IL31RA: variants seen among roughly 807,000 people sequenced by gnomAD.
IL31RA encodes the protein interleukin 31 receptor A, also known as interleukin-31 receptor subunit alpha.
In IL31RA, 66 loss-of-function variants were observed where a neutral mutation model predicts 83.7. That is an observed-to-expected ratio of 0.79 (90% CI 0.65 to 0.97). The LOEUF is 0.97. Ranked by LOEUF, IL31RA falls within the 50% of genes least tolerant of loss-of-function variation. The pLI is 0.00. For missense variants in IL31RA, 798 were observed against 919.4 expected, an observed-to-expected ratio of 0.87 and a Z score of 1.71; for synonymous variants, 325 against 329.0, an observed-to-expected ratio of 0.99 and a Z score of 0.13.
At chr5:55,889,324 C>T (rs1365800078) in intron 5 of IL31RA, among the ~76,000 whole-genome samples, 1 of 152,158 alleles carries the variant, frequency 6.6e-6, no homozygotes, top group Non-Finnish European at 1.5e-5. Context: ...ATTTTATTTA[C>T]CTCTTTCCTC....
intron 10 of IL31RA, among the ~76,000 whole-genome samples, chr5:55,908,062 G>A (rs4865998): frequency 1.3e-5 from 2 of 152,064 alleles, no homozygotes; most frequent in Non-Finnish European, 2.9e-5. Context: ...AAGTGGTCTT[G>A]TTGCCACTTC....
intron 1 of IL31RA, among the ~76,000 whole-genome samples, chr5:55,854,167 A>G (rs556602249): frequency 2.0e-5 from 3 of 152,166 alleles, no homozygotes; most frequent in Non-Finnish European, 4.4e-5. Flanking sequence ...CACTGTTCCA[A>G]CATGATAGTG....
At chr5:55,852,974 A>C (rs1173751796) in intron 1 of IL31RA, among the ~76,000 whole-genome samples, 1 of 152,258 alleles carries the variant, frequency 6.6e-6, no homozygotes, top group African/African-American at 2.4e-5. Flanking sequence ...TAAGAGCTCC[A>C]CAAATTATTA....
At chr5:55,850,291 TTC>T (rs987747777), upstream of IL31RA, among the ~76,000 whole-genome samples, 3 of 152,174 alleles carry the variant, frequency 2.0e-5, no homozygotes, top group Admixed American at 6.5e-5. Flanking sequence ...ATTGTATCAC[TTC>T]TCTCATTATT....
chr5:55,910,368 G>A (rs1749427404), intron 11 of IL31RA, among the ~76,000 whole-genome samples, 164 bp from the exon 12 acceptor site: 1 of 152,122 alleles, frequency 6.6e-6, no homozygotes, highest in African/African-American at 2.4e-5. Context: ...TTATATTGAG[G>A]TCCTTAATCC....
At chr5:55,845,479 G>T in the IL31RA span, among the ~76,000 whole-genome samples, 4 of 138,506 alleles carry the variant, frequency 2.9e-5, no homozygotes, top group Non-Finnish European at 4.8e-5. Flanking sequence ...CCAAAATCTC[G>T]TCTTGAATTG....
chr5:55,896,371 G>A lies in IL31RA; in HGVS notation c.794G>A (p.Trp265Ter). The change falls in exon 7 of 15, where the codon TGG (tryptophan) becomes TAG (stop). Residue 265 changes from tryptophan to a stop codon, truncating the protein, a stop_gained. Coordinates refer to ENST00000652347, the MANE Select transcript of IL31RA (RefSeq NM_139017.7). LOFTEE classifies it high-confidence loss of function. Reference protein sequence around the residue: ...EEEAPCGLELWRVLKPAEADG... With the variant: ...EEEAPCGLEL The stretch of plus-strand genomic sequence containing the variant: ...ACAGCTCCATGTGGCCTGGAACTGT[G>A]GAGAGTCCTGAAACCAGCTGAGGCG... 1 of 1,613,432 alleles carries A rather than the reference G, an allele frequency of 6.2e-7. No individual in the cohort carries two copies. Among genetic ancestry groups the A allele is most frequent in the South Asian group, 1.1e-5 (1 of 91,070 alleles).
intron 8 of IL31RA, among the ~76,000 whole-genome samples, chr5:55,905,200 C>CA (rs34211603): frequency 0.043 from 3,143 of 72,332 alleles, 106 homozygotes; most frequent in African/African-American, 0.12. Flanking sequence ...GACTCTGCCT[C>CA]AAAAAAAAAA....
Position 55,922,457 on chromosome 5 carries a change from T to C in IL31RA, c.*5337T>C. Reference sequence around the variant, plus strand: ...AGTGTGGACTAAAATGCGAGAAAGGTGTCCTGTGGTCTATGCAAATTAGAA... The same window carrying C: ...AGTGTGGACTAAAATGCGAGAAAGGCGTCCTGTGGTCTATGCAAATTAGAA... On this transcript the variant is annotated 3_prime_UTR_variant, in exon 15 of 15. Coordinates refer to ENST00000652347, the MANE Select transcript of IL31RA (RefSeq NM_139017.7). The C allele has an allele frequency of 6.5e-7, 1 of 1,543,832 alleles. No homozygotes were observed. Among genetic ancestry groups the C allele is most frequent in the Non-Finnish European group, 8.8e-7 (1 of 1,140,522 alleles).
intron 8 of IL31RA, among the ~76,000 whole-genome samples, chr5:55,904,008 A>C (rs1748979773): frequency 6.6e-6 from 1 of 151,744 alleles, no homozygotes; most frequent in Non-Finnish European, 1.5e-5. Flanking sequence ...AGCTCCAGTA[A>C]CTCCCATAAA....
the IL31RA span, among the ~76,000 whole-genome samples, chr5:55,840,664 A>G: frequency 5.9e-5 from 9 of 152,202 alleles, no homozygotes; most frequent in Non-Finnish European, 8.8e-5. Context: ...TAAGCTTTGT[A>G]TGTTCTCTGT....
chr5:55,881,857 C>T (rs181840978), intron 4 of IL31RA, among the ~76,000 whole-genome samples: 59 of 147,992 alleles, frequency 4.0e-4, no homozygotes, highest in Non-Finnish European at 7.4e-5. Flanking sequence ...GGATTATTGG[C>T]GCCCGCCACC....
In IL31RA at chr5:55,918,328, G is replaced by A. The variant is rs1749909879; in HGVS notation, c.*1208G>A. 6.6e-6 allele frequency among the ~76,000 whole-genome samples: 1 copy of A among 152,170 alleles called. No individual in the cohort carries two copies. Among genetic ancestry groups the A allele is most frequent in the African/African-American group, 2.4e-5 (1 of 41,442 alleles). On this transcript the variant is annotated 3_prime_UTR_variant, in exon 15 of 15. Transcript: ENST00000652347. ...GGTATTTTTTCTAGGAGAGTTTGAG[G>A]AATCAGTACTAGGATTGCAGGCATG...
Position 55,915,004 on chromosome 5 carries a change from C to T in IL31RA, c.1818+76C>T, listed in dbSNP as rs1749706918. On this transcript the variant is annotated intron_variant, in intron 14 of 14. Transcript: ENST00000652347. ...AGGTGAATGGAGATGGGGAAAGAGT[C>T]CTAGGCTGAGCTTTTTTCAAGGTTC... 19 of 1,123,018 alleles carry T rather than the reference C, an allele frequency of 1.7e-5. 1 individual carries two copies. In the South Asian group the frequency reaches 2.4e-4, roughly 14 times the overall value. 69.6% of individuals were successfully genotyped at this position (1,123,018 alleles called of 1,614,324 possible).
At chr5:55,911,081 C>T (rs545418347) in intron 12 of IL31RA, among the ~76,000 whole-genome samples, 2 of 152,132 alleles carry the variant, frequency 1.3e-5, no homozygotes, top group African/African-American at 4.8e-5. Flanking sequence ...TAAAGACATA[C>T]CCGGGACTGG....
intron 4 of IL31RA, among the ~76,000 whole-genome samples, chr5:55,874,781 CCTTAGGAT>C (rs897981110): frequency 5.3e-5 from 8 of 151,976 alleles, no homozygotes; most frequent in Non-Finnish European, 1.0e-4. Flanking sequence ...TAGGTGGATT[CCTTAGGAT>C]TGTCTGTATA....
intron 4 of IL31RA, 91 bp from the exon 5 acceptor site, chr5:55,882,953 C>CT: frequency 8.5e-7 from 1 of 1,173,888 alleles, no homozygotes; most frequent in Non-Finnish European, 1.3e-6. Context: ...GACCACAATG[C>CT]ACGTATCATT....
At chr5:55,868,502 A>G (rs150184001) in intron 2 of IL31RA, among the ~76,000 whole-genome samples, 3 of 152,314 alleles carry the variant, frequency 2.0e-5, no homozygotes, top group East Asian at 3.9e-4. Context: ...AATACTTTGT[A>G]TGTATTTCTT....
upstream of IL31RA, among the ~76,000 whole-genome samples, chr5:55,847,286 A>AATAG (rs1362319631): frequency 2.4e-4 from 35 of 144,968 alleles, 1 homozygote; most frequent in South Asian, 4.3e-4. Flanking sequence ...TAAATAAATA[A>AATAG]AAAGAAAAGA....
Sources: gnomAD v4.1 joint callset for allele counts (sites outside exome capture counted in the v4.1 genomes callset) on GRCh38, gnomAD v4.1.1 for gene constraint, MANE v1.5 for transcripts, NCBI Gene and HGNC (gene_info 2026-07-23, HGNC 2026-07-21) for gene names.